AP2A2: variants seen among roughly 807,000 people sequenced by gnomAD.
AP2A2 encodes the protein adaptor related protein complex 2 subunit alpha 2.
AP2A2 carries 32 observed loss-of-function variants against 104.2 expected under a neutral mutation model. The observed-to-expected ratio is 0.31, with a 90% CI of 0.23 to 0.41. The LOEUF (loss-of-function observed/expected upper bound fraction) is 0.41. Among genes scored for constraint, AP2A2 ranks in the 10% least tolerant of loss-of-function variants. AP2A2 has a pLI of 1.00. For missense variants in AP2A2, 912 were observed against 1,261.0 expected (o/e 0.72, Z 4.19); for synonymous variants, 539 against 533.3 (o/e 1.01, Z -0.15).
intron 4 of AP2A2, among the ~76,000 whole-genome samples, chr11:974,698 A>AAAAAAAAAAAG (rs55897359): frequency 7.3e-6 from 1 of 137,144 alleles, no homozygotes; most frequent in African/African-American, 2.7e-5. Flanking sequence ...AAAAAAAAAA[A>AAAAAAAAAAAG]AAAGAAAGCT....
In AP2A2 at chr11:992,449, C is replaced by A. The variant is rs761559859; in HGVS notation, c.1270-54C>A. 1 of 1,536,114 alleles carries A rather than the reference C, an allele frequency of 6.5e-7. No individual in the cohort carries two copies. Among genetic ancestry groups the A allele is most frequent in the Admixed American group, 2.0e-5 (1 of 51,042 alleles). On this transcript the variant is annotated intron_variant, in intron 10 of 21. Coordinates refer to ENST00000448903, the MANE Select transcript of AP2A2 (RefSeq NM_012305.4). The surrounding 1 kb of genome is among the most constrained non-coding windows in gnomAD (Gnocchi z 6.4). ...CTTTGACTTTGGACGACAGTTTGGT[C>A]TTGGGATTGCCATGGCCTGCAGGTG...
intron 14 of AP2A2, among the ~76,000 whole-genome samples, chr11:996,946 G>A (rs117365124): frequency 0.013 from 2,005 of 152,134 alleles, 31 homozygotes; most frequent in African/African-American, 0.033. Context: ...TGTTCTGACC[G>A]AGAGCTATGG....
intron 8 of AP2A2, among the ~76,000 whole-genome samples, chr11:986,016 G>A (rs571708019): frequency 5.3e-5 from 8 of 152,238 alleles, no homozygotes; most frequent in South Asian, 2.1e-4. Context: ...GCAGGGTGGC[G>A]GTCGCTCCAC....
intron 1 of AP2A2, among the ~76,000 whole-genome samples, chr11:930,721 C>T (rs1025449593): frequency 6.6e-6 from 1 of 152,142 alleles, no homozygotes; most frequent in Non-Finnish European, 1.5e-5. Flanking sequence ...GGGGTTTCAC[C>T]GTGTTAGCCA....
At chr11:991,070 G>A (rs1318207284) in intron 10 of AP2A2, among the ~76,000 whole-genome samples, 1 of 151,192 alleles carries the variant, frequency 6.6e-6, no homozygotes. Flanking sequence ...TTTCAGCCGG[G>A]TATGGTGCTC....
chr11:927,077 T>G (rs10751664), intron 1 of AP2A2, among the ~76,000 whole-genome samples: 72,790 of 152,000 alleles, frequency 0.48, 18,366 homozygotes, highest in Middle Eastern at 0.65. Flanking sequence ...TTTGTTTTTC[T>G]TTTTTTTGAG....
chr11:969,375 A>G (rs527711740), intron 2 of AP2A2, among the ~76,000 whole-genome samples: 160 of 151,850 alleles, frequency 1.1e-3, no homozygotes, highest in Non-Finnish European at 1.9e-3. Context: ...GATTACAGGC[A>G]TGCACCACCA....
chr11:1,008,461 C>T (rs1006209720), intron 18 of AP2A2: 12 of 287,436 alleles, frequency 4.2e-5, no homozygotes, highest in African/African-American at 1.1e-4. Context: ...TGGTACCAGA[C>T]GACAGCTGTG....
intron 20 of AP2A2, 122 bp downstream of exon 20, chr11:1,009,519 C>A: frequency 7.6e-7 from 1 of 1,322,740 alleles, no homozygotes; most frequent in Non-Finnish European, 1.0e-6. Flanking sequence ...GGAGGGACGG[C>A]CCCGGGGGAC....
At chr11:981,511 A>G (rs187235496) in intron 6 of AP2A2, among the ~76,000 whole-genome samples, 1 of 152,288 alleles carries the variant, frequency 6.6e-6, no homozygotes, top group Admixed American at 6.5e-5. Context: ...AGCACCCAAC[A>G]CCATGTGGGT....
At chr11:963,131 T>A (rs201119574) in intron 2 of AP2A2, among the ~76,000 whole-genome samples, 2 of 151,492 alleles carry the variant, frequency 1.3e-5, no homozygotes, top group Non-Finnish European at 2.9e-5. Flanking sequence ...TTGTAATCAA[T>A]TGAAAAAAAA....
intron 10 of AP2A2, 49 bp downstream of exon 10, chr11:988,738 C>G: frequency 6.2e-7 from 1 of 1,603,700 alleles, no homozygotes; most frequent in Non-Finnish European, 8.5e-7. Context: ...GCGTGAATCT[C>G]AGCGGCAGGA....
Position 992,418 on chromosome 11 carries a change from C to A in AP2A2, c.1270-85C>A, listed in dbSNP as rs775640588. ...TAGACACATTGAGGTGCTTCTGAAA[C>A]TCTCACTTTGACTTTGGACGACAGT... On this transcript the variant is annotated intron_variant, in intron 10 of 21. Transcript: ENST00000448903. The surrounding 1 kb of genome is among the most constrained non-coding windows in gnomAD (Gnocchi z 6.4). The A allele has an allele frequency of 1.2e-4, 167 of 1,392,654 alleles. No individual in the cohort carries two copies. Among genetic ancestry groups the A allele is most frequent in the Non-Finnish European group, 1.5e-4 (155 of 1,006,104 alleles). The allele number at this position is 1,392,654 out of a possible 1,614,324, so 86.3% of individuals were successfully genotyped here.
intron 1 of AP2A2, among the ~76,000 whole-genome samples, chr11:935,407 A>T (rs966601548): frequency 6.6e-6 from 1 of 151,678 alleles, no homozygotes; most frequent in African/African-American, 2.4e-5. Context: ...ACCTCAAGCA[A>T]TCCACCCACC....
At chr11:980,540 C>T (rs1008565534) in intron 5 of AP2A2, among the ~76,000 whole-genome samples, 4 of 149,458 alleles carry the variant, frequency 2.7e-5, no homozygotes, top group African/African-American at 2.5e-5. Flanking sequence ...TGCCCGGTGC[C>T]GTGTCCTGGA....
In AP2A2 at chr11:1,000,456, C is replaced by A. The variant is rs754803380; in HGVS notation, c.1981C>A (p.Leu661Met). Residue 661 changes from leucine (L) to methionine (M), a missense_variant, in exon 15 of 22, where the codon CTG (leucine) becomes ATG (methionine). Around this residue, in one of 7 missense-constraint regions of AP2A2, gnomAD observed 105 missense variants for 90.9 expected, o/e 1.16. Transcript: ENST00000448903. ...AVSTPSPSADLLGLGAAPPAP... is the reference protein window; with the variant it reads ...AVSTPSPSADMLGLGAAPPAP... ...GTCTACGCCTTCTCCGTCGGCAGAC[C>A]TGCTGGGTCTCGGGGCTGCCCCCCC... 6.5e-7 allele frequency: 1 copy of A among 1,543,196 alleles called. No individual in the cohort carries two copies. The highest frequency in any genetic ancestry group is 1.2e-5 in the South Asian group (1 of 84,048).
intron 1 of AP2A2, chr11:942,312 A>G (rs1179679661): frequency 6.6e-6 from 1 of 152,216 alleles, no homozygotes; most frequent in Non-Finnish European, 1.5e-5. Context: ...TTTTAAATAG[A>G]ATGGTGACTC....
rs114557946 is a variant in AP2A2 at position 991,081 on chromosome 11, C to T, written c.1270-1422C>T. Among the ~76,000 whole-genome samples, 324 of 152,100 alleles carry T rather than the reference C, an allele frequency of 2.1e-3. 3 individuals are homozygous for T. Among genetic ancestry groups the T allele is most frequent in the African/African-American group, 7.5e-3 (309 of 41,474 alleles). ...GTCCTTTCAGCCGGGTATGGTGCTCCCCTCCGTCCTTTCAGCCGGGTATGG... is the reference window on the plus strand; with the variant it reads ...GTCCTTTCAGCCGGGTATGGTGCTCTCCTCCGTCCTTTCAGCCGGGTATGG... On this transcript the variant is annotated intron_variant, in intron 10 of 21. Transcript: ENST00000448903.
intron 6 of AP2A2, 146 bp from the exon 7 acceptor site, chr11:984,499 A>G (rs1855379603): frequency 1.4e-6 from 1 of 697,270 alleles, no homozygotes; most frequent in South Asian, 1.8e-5. Flanking sequence ...GGGGGTACCA[A>G]GCAGTGTCAG....
Sources: gnomAD v4.1 joint callset for allele counts (sites outside exome capture counted in the v4.1 genomes callset) on GRCh38, gnomAD v4.1.1 for gene constraint, gnomAD v4.1.1 regional missense constraint, Gnocchi (gnomAD v3.1) non-coding constraint, MANE v1.5 for transcripts, NCBI Gene and HGNC (gene_info 2026-07-23, HGNC 2026-07-21) for gene names.